FTCDNL1: variants seen among roughly 807,000 people sequenced by gnomAD.
FTCDNL1 encodes the protein formiminotransferase N-terminal subdomain-containing protein.
Under a neutral mutation model 5.9 loss-of-function variants are expected in FTCDNL1, and 11 were observed. The observed-to-expected ratio is 1.87, with a 90% CI of 1.18 to 3.10. FTCDNL1 has a LOEUF of 3.10. FTCDNL1 is among the 30% of genes most tolerant of loss of function. FTCDNL1 has a pLI of 0.00. For synonymous variants in FTCDNL1, 58 were observed against 24.8 expected, an observed-to-expected ratio of 2.34 and a Z score of -3.99; for missense variants, 115 against 65.5, an observed-to-expected ratio of 1.76 and a Z score of -2.61.
At chr2:199,692,444 A>C in the FTCDNL1 span, among the ~76,000 whole-genome samples, 1 of 152,242 alleles carries the variant, frequency 6.6e-6, no homozygotes, top group Non-Finnish European at 1.5e-5. Context: ...TTAATCTTAA[A>C]TAGCCTGTCT....
At chr2:199,759,298 T>G (rs1423040148), downstream of FTCDNL1, among the ~76,000 whole-genome samples, 1 of 133,272 alleles carries the variant, frequency 7.5e-6, no homozygotes, top group African/African-American at 3.4e-5. Flanking sequence ...TCATTTGTTG[T>G]TTTTTTTTTT....
chr2:199,694,807 C>T, the FTCDNL1 span, among the ~76,000 whole-genome samples: 1 of 152,136 alleles, frequency 6.6e-6, no homozygotes, highest in African/African-American at 2.4e-5. Context: ...ACACTCCAGC[C>T]TGGGTGACAG....
the FTCDNL1 span, among the ~76,000 whole-genome samples, chr2:199,749,402 A>T: frequency 0.015 from 2,225 of 152,316 alleles, 55 homozygotes; most frequent in East Asian, 0.15. Context: ...TTTACCATAC[A>T]ATCAACTCAA....
At chr2:199,680,681 T>C in the FTCDNL1 span, among the ~76,000 whole-genome samples, 12 of 152,318 alleles carry the variant, frequency 7.9e-5, no homozygotes, top group African/African-American at 2.9e-4. Context: ...AAGATTGCCA[T>C]GGGCCGCATC....
downstream of FTCDNL1, among the ~76,000 whole-genome samples, chr2:199,809,054 C>A (rs997193130): frequency 3.3e-5 from 5 of 152,142 alleles, no homozygotes; most frequent in African/African-American, 1.2e-4. Flanking sequence ...TTCACCAGAG[C>A]AACTAAAATT....
chr2:199,712,025 CA>C, the FTCDNL1 span, among the ~76,000 whole-genome samples: 1 of 152,112 alleles, frequency 6.6e-6, no homozygotes, highest in East Asian at 1.9e-4. Context: ...TAGGAGAATC[CA>C]AAAAGCTTCT....
chr2:199,746,608 C>T, the FTCDNL1 span, among the ~76,000 whole-genome samples: 3 of 151,674 alleles, frequency 2.0e-5, no homozygotes, highest in East Asian at 3.9e-4. Context: ...GTTTGGCCAC[C>T]GAATGTCAAG....
chr2:199,704,209 A>G, the FTCDNL1 span, among the ~76,000 whole-genome samples: 1 of 152,244 alleles, frequency 6.6e-6, no homozygotes, highest in African/African-American at 2.4e-5. Context: ...TCTCCAAAAA[A>G]CAACTCAATA....
At chr2:199,765,708 A>G (rs1004042960) in intron 3 of FTCDNL1, among the ~76,000 whole-genome samples, 1 of 151,078 alleles carries the variant, frequency 6.6e-6, no homozygotes, top group Admixed American at 6.6e-5. Context: ...TGCCTGGCTT[A>G]TTTTTTGTAT....
chr2:199,702,399 C>T, the FTCDNL1 span, among the ~76,000 whole-genome samples: 4 of 152,120 alleles, frequency 2.6e-5, no homozygotes, highest in South Asian at 2.1e-4. Flanking sequence ...CCTCGCCTCC[C>T]GATGCAACTC....
chr2:199,724,932 T>C, the FTCDNL1 span, among the ~76,000 whole-genome samples: 15 of 151,472 alleles, frequency 9.9e-5, no homozygotes, highest in African/African-American at 3.4e-4. Context: ...AAGTCCTGAA[T>C]ATCTTTAAAA....
intron 3 of FTCDNL1, among the ~76,000 whole-genome samples, chr2:199,833,422 C>T (rs1381022014): frequency 6.6e-6 from 1 of 152,208 alleles, no homozygotes; most frequent in East Asian, 1.9e-4. Context: ...TGACCTTTCA[C>T]TTGCATATAT....
chr2:199,688,694 T>C, the FTCDNL1 span, among the ~76,000 whole-genome samples: 2 of 152,182 alleles, frequency 1.3e-5, no homozygotes, highest in Admixed American at 6.5e-5. Flanking sequence ...AAAGATTCAG[T>C]TTTTTATTTA....
rs1191706588 is a variant in FTCDNL1, at chr2:199,812,327, T to C, written c.*378A>G. On this transcript the variant is annotated 3_prime_UTR_variant, in exon 5 of 5. Coordinates refer to ENST00000420128, the MANE Select transcript of FTCDNL1 (RefSeq NM_001363886.2). ...CCAAATTCACGCTTTTCCAATTTCC[T>C]CCATTTAATCCTTCCAAGTCAAAAC... 6.6e-6 allele frequency among the ~76,000 whole-genome samples: 1 copy of C among 152,124 alleles called. No individual in the cohort carries two copies. Among genetic ancestry groups the C allele is most frequent in the Non-Finnish European group, 1.5e-5 (1 of 68,010 alleles).
At chr2:199,763,615 A>ATGAGACAACTT (rs1329358546) in intron 3 of FTCDNL1, among the ~76,000 whole-genome samples, 1 of 152,130 alleles carries the variant, frequency 6.6e-6, no homozygotes, top group East Asian at 1.9e-4. Context: ...CTGTCCAGGG[A>ATGAGACAACTT]TGAGACAACT....
chr2:199,734,134 A>G, the FTCDNL1 span, among the ~76,000 whole-genome samples: 1 of 152,298 alleles, frequency 6.6e-6, no homozygotes, highest in East Asian at 1.9e-4. Context: ...GTGTTTACAA[A>G]TGATCTTCCA....
intron 2 of FTCDNL1, 67 bp downstream of exon 2, chr2:199,848,781 A>C (rs2076796697): frequency 1.5e-6 from 1 of 688,264 alleles, no homozygotes; most frequent in East Asian, 2.7e-5. Flanking sequence ...TACAGTGTGC[A>C]CAGTACAAAA....
At chr2:199,682,082 A>G in the FTCDNL1 span, among the ~76,000 whole-genome samples, 1 of 152,198 alleles carries the variant, frequency 6.6e-6, no homozygotes, top group Non-Finnish European at 1.5e-5. Flanking sequence ...CACATTACCC[A>G]GAAATGTGGC....
At chr2:199,845,833 C>CAA (rs750888679) in intron 3 of FTCDNL1, among the ~76,000 whole-genome samples, 11 of 100,440 alleles carry the variant, frequency 1.1e-4, no homozygotes, top group South Asian at 3.0e-4. Context: ...TCACCTTCAG[C>CAA]AAAAAAAAAA....
Sources: gnomAD v4.1 joint callset for allele counts (sites outside exome capture counted in the v4.1 genomes callset) on GRCh38, gnomAD v4.1.1 for gene constraint, MANE v1.5 for transcripts, NCBI Gene and HGNC (gene_info 2026-07-23, HGNC 2026-07-21) for gene names.